Variants in TAPT1 observed in about 807,000 individuals in gnomAD.
The protein encoded by TAPT1 is transmembrane anterior posterior transformation 1.
A neutral mutation model predicts 65.6 loss-of-function variants in TAPT1; 28 were observed. The ratio of observed to expected loss-of-function variants is 0.43; its 90% CI spans 0.32 to 0.59. TAPT1 has a LOEUF of 0.59. Among genes scored for constraint, TAPT1 ranks in the 20% least tolerant of loss-of-function variants. TAPT1 has a pLI of 0.09. For synonymous variants in TAPT1, 278 were observed against 245.2 expected, an observed-to-expected ratio of 1.13 and a Z score of -1.25; for missense variants, 563 against 679.9, an observed-to-expected ratio of 0.83 and a Z score of 1.91.
rs1008643288 is a variant in TAPT1 at position 16,161,888 on chromosome 4, A to G, written c.*1420T>C. On this transcript the variant is annotated 3_prime_UTR_variant, in exon 14 of 14. Coordinates refer to ENST00000405303, the MANE Select transcript of TAPT1 (RefSeq NM_153365.3). ...CGCCTGAAACATTTGCATGAGAGCTAAACTTCAAAATCAAAACATCAAAGG... is the reference window on the plus strand; with the variant it reads ...CGCCTGAAACATTTGCATGAGAGCTGAACTTCAAAATCAAAACATCAAAGG... The G allele has an allele frequency of 1.3e-5, 2 of 152,214 alleles. No homozygotes were observed. Among genetic ancestry groups the G allele is most frequent in the African/African-American group, 4.8e-5 (2 of 41,450 alleles). The allele number at this position is 152,214 out of a possible 1,614,324, so 9.4% of individuals were successfully genotyped here. A position where few individuals can be genotyped will look rare whatever the true frequency, so the allele number is the denominator to read the frequency against.
At chr4:16,180,231 A>G (rs1748634426) in intron 7 of TAPT1, among the ~76,000 whole-genome samples, 2 of 152,210 alleles carry the variant, frequency 1.3e-5, no homozygotes, top group South Asian at 2.1e-4. Flanking sequence ...CCATAAACTA[A>G]TAACTGTGTG....
At chr4:16,188,130 T>G in intron 5 of TAPT1, 90 bp downstream of exon 5, 1 of 1,112,676 alleles carries the variant, frequency 9.0e-7, no homozygotes, top group Non-Finnish European at 1.3e-6. Flanking sequence ...ATTATCTATA[T>G]ATCTTTAAAT....
intron 12 of TAPT1, 124 bp downstream of exon 12, chr4:16,170,529 A>T: frequency 1.7e-6 from 1 of 594,940 alleles, no homozygotes; most frequent in Non-Finnish European, 3.0e-6. Flanking sequence ...TTGGAGGTAT[A>T]GCTGTTGAAT....
chr4:16,202,048 G>T (rs961007897), intron 3 of TAPT1, among the ~76,000 whole-genome samples: 2 of 152,146 alleles, frequency 1.3e-5, no homozygotes, highest in African/African-American at 4.8e-5. Context: ...GAGCTCCTGA[G>T]GAGATTCCTT....
Position 16,202,476 on chromosome 4 carries a change from A to T in TAPT1, c.435T>A (p.Pro145=). 1 of 1,546,624 alleles carries T rather than the reference A, an allele frequency of 6.5e-7. No individual in the cohort carries two copies. Residue 145 remains proline, a synonymous_variant, in exon 3 of 14, where the codon CCT becomes CCA. Coordinates refer to ENST00000405303, the MANE Select transcript of TAPT1 (RefSeq NM_153365.3). ...FLALFRLLTL[P]CYGLRDRRLL... is the part of the protein sequence containing the mutation. ...CTTAAACTTACCTTAAGCCATAGCA[A>T]GGCAAAGTGAGGAGCCTGAATAGTG...
chr4:16,179,402 G>C (rs1305158444), intron 8 of TAPT1, 175 bp downstream of exon 8: 1 of 497,840 alleles, frequency 2.0e-6, no homozygotes. Context: ...CGTATATGTG[G>C]TCTATTGTTG....
At chr4:16,226,518 CCTCCCCGCCT>C, upstream of TAPT1, 2 of 981,438 alleles carry the variant, frequency 2.0e-6, no homozygotes, top group African/African-American at 3.5e-5. Context: ...CGGCCGGCCC[CCTCCCCGCCT>C]CGCCCCGCCC....
intron 2 of TAPT1, 144 bp from the exon 3 acceptor site, chr4:16,202,724 T>C: frequency 3.8e-6 from 2 of 529,058 alleles, no homozygotes; most frequent in South Asian, 4.4e-5. Flanking sequence ...TTAACAGTTC[T>C]TCTCTTCAAA....
chr4:16,203,459 G>A (rs1260774859), intron 2 of TAPT1, among the ~76,000 whole-genome samples: 3 of 152,104 alleles, frequency 2.0e-5, no homozygotes, highest in Non-Finnish European at 4.4e-5. Flanking sequence ...TCTTTAAAGA[G>A]GTAATTTAAG....
At chr4:16,185,649 G>C (rs191466685) in intron 7 of TAPT1, among the ~76,000 whole-genome samples, 2 of 152,128 alleles carry the variant, frequency 1.3e-5, no homozygotes. Flanking sequence ...GATTACAGGC[G>C]TTAGCCACTG....
At chr4:16,200,712 T>C (rs879638241) in intron 3 of TAPT1, among the ~76,000 whole-genome samples, 1 of 152,222 alleles carries the variant, frequency 6.6e-6, no homozygotes, top group Non-Finnish European at 1.5e-5. Flanking sequence ...CAAATAAAGA[T>C]GTATATTTGG....
rs1327175053 is a variant in TAPT1, at chr4:16,176,198, C to G, written c.1028G>C (p.Cys343Ser). The stretch of plus-strand genomic sequence containing the variant: ...GGCAATTTCTGATGCAATTACCATA[C>G]AGACATCTGGAAACAACACCCAGAG... Reference protein sequence around the residue: ...DHLWVLFPDVCMVIASEIAVD... With the variant: ...DHLWVLFPDVSMVIASEIAVD... The change falls in exon 9 of 14, where the codon TGT (cysteine) becomes TCT (serine). Residue 343 changes from cysteine (C) to serine (S), a missense_variant. Transcript: ENST00000405303. 1.3e-6 allele frequency: 2 copies of G among 1,571,172 alleles called. No individual in the cohort carries two copies. Among genetic ancestry groups the G allele is most frequent in the African/African-American group, 1.4e-5 (1 of 73,886 alleles).
At chr4:16,202,930 G>T (rs1274311978) in intron 2 of TAPT1, among the ~76,000 whole-genome samples, 2 of 152,110 alleles carry the variant, frequency 1.3e-5, no homozygotes, top group African/African-American at 4.8e-5. Flanking sequence ...ATGCTTCATT[G>T]ATGGGAAAGA....
chr4:16,208,975 T>G (rs949399540), intron 2 of TAPT1, among the ~76,000 whole-genome samples: 1 of 152,284 alleles, frequency 6.6e-6, no homozygotes, highest in African/African-American at 2.4e-5. Flanking sequence ...GCAATCCTTC[T>G]GCCTCAGTCT....
rs1438022710 is a variant in TAPT1 at position 16,172,150 on chromosome 4, CA to C, written c.1237-1422del. Among the ~76,000 whole-genome samples the C allele has an allele frequency of 2.6e-5, 4 of 151,910 alleles. No homozygotes were observed. The South Asian group carries it at 6.2e-4, about 24-fold the overall frequency. ...TGCAGGTGTTCCAAAAGTGTTTTGT[CA>C]ATTATTAATTATTCATAAATATTTT... On this transcript the variant is annotated intron_variant, in intron 11 of 13. Transcript: ENST00000405303.
intron 2 of TAPT1, among the ~76,000 whole-genome samples, chr4:16,207,627 T>A (rs1370720887): frequency 1.3e-5 from 2 of 152,210 alleles, no homozygotes; most frequent in Non-Finnish European, 2.9e-5. Context: ...CCAAGAGAGA[T>A]CTGATGCCTT....
At chr4:16,178,939 C>T (rs1177697056) in intron 8 of TAPT1, 2 of 152,078 alleles carry the variant, frequency 1.3e-5, no homozygotes, top group African/African-American at 2.4e-5. Context: ...AGTTAAAAAC[C>T]GAAAGGCTCA....
intron 4 of TAPT1, 106 bp downstream of exon 4, chr4:16,191,255 A>G: frequency 2.5e-6 from 3 of 1,196,900 alleles, no homozygotes; most frequent in Non-Finnish European, 3.5e-6. Flanking sequence ...CAGAAGCACC[A>G]TAACTAGAGT....
At position 16,170,722 on chromosome 4, in the gene TAPT1, C is replaced by A; in HGVS notation, c.1244G>T (p.Arg415Ile). 6.2e-7 allele frequency: 1 copy of A among 1,613,410 alleles called. No individual in the cohort carries two copies. The highest frequency in any genetic ancestry group is 1.1e-5 in the South Asian group (1 of 91,010). Reference sequence around the variant, plus strand: ...CACTTTAATTGAGCTTGTTACAACTCTGATGAGCTAGCCAGAAACAAACCA... The same window carrying A: ...CACTTTAATTGAGCTTGTTACAACTATGATGAGCTAGCCAGAAACAAACCA... ...IPLPLAVLLIRVVTSSIKVQG... is the reference protein window; with the variant it reads ...IPLPLAVLLIIVVTSSIKVQG... Residue 415 changes from arginine (R) to isoleucine (I), a missense_variant, in exon 12 of 14, where the codon AGA (arginine) becomes ATA (isoleucine). This residue lies in a region of TAPT1 where 104 missense variants were observed against 102.5 expected (regional missense o/e 1.01). Transcript: ENST00000405303.
Sources: allele counts gnomAD v4.1 joint callset (sites outside exome capture counted in the v4.1 genomes callset), GRCh38; gene constraint gnomAD v4.1.1; regional missense constraint gnomAD v4.1.1; transcripts MANE v1.5; gene names NCBI Gene and HGNC (gene_info 2026-07-23, HGNC 2026-07-21).